The following SLC35D4 variants were observed in gnomAD, a reference collection of about 807,000 sequenced individuals.
SLC35D4 encodes UDP-N-acetylglucosamine transporter SLC35D4.
At chr18:23,419,945 C>CATATACAT in the SLC35D4 span, among the ~76,000 whole-genome samples, 6 of 152,082 alleles carry the variant, frequency 3.9e-5, no homozygotes, top group Non-Finnish European at 8.8e-5. Flanking sequence ...CGTATGTATG[C>CATATACAT]ATATACATAT....
chr18:23,402,808 A>T, the SLC35D4 span, among the ~76,000 whole-genome samples: 69 of 74,606 alleles, frequency 9.2e-4, no homozygotes, highest in Admixed American at 1.7e-3. Context: ...TTGTCTTTTT[A>T]AAAAAATATA....
the SLC35D4 span, among the ~76,000 whole-genome samples, chr18:23,309,113 GA>G: frequency 6.6e-6 from 1 of 151,864 alleles, no homozygotes; most frequent in South Asian, 2.1e-4. Context: ...ATAATAACAA[GA>G]AAAAAAGTCT....
the SLC35D4 span, among the ~76,000 whole-genome samples, chr18:23,386,136 A>C: frequency 6.6e-6 from 1 of 151,474 alleles, no homozygotes; most frequent in Non-Finnish European, 1.5e-5. Context: ...AAAAAAAAAA[A>C]AAAAAAAAAA....
chr18:23,259,256 TA>T, the SLC35D4 span: 1 of 151,788 alleles, frequency 6.6e-6, no homozygotes. Flanking sequence ...GGTCCTGTGG[TA>T]TCTGAGAATG....
the SLC35D4 span, among the ~76,000 whole-genome samples, chr18:23,371,940 T>TTTGTTTTTTTG: frequency 8.1e-5 from 2 of 24,586 alleles, no homozygotes; most frequent in African/African-American, 2.2e-4. Context: ...TTTTTGTTTT[T>TTTGTTTTTTTG]TTTTTTTTTT....
the SLC35D4 span, among the ~76,000 whole-genome samples, chr18:23,357,829 C>T: frequency 4.6e-5 from 7 of 152,216 alleles, no homozygotes; most frequent in East Asian, 5.8e-4. Context: ...GTTGTTTCTG[C>T]GAGTGAGTGT....
At chr18:23,327,115 A>C in the SLC35D4 span, among the ~76,000 whole-genome samples, 13 of 152,316 alleles carry the variant, frequency 8.5e-5, no homozygotes, top group Admixed American at 3.3e-4. Flanking sequence ...TAAAATCAAC[A>C]CCCTAACATC....
chr18:23,291,012 C>T, the SLC35D4 span, among the ~76,000 whole-genome samples: 2 of 152,152 alleles, frequency 1.3e-5, no homozygotes, highest in Admixed American at 6.5e-5. Context: ...TCATCTCATT[C>T]GTGGTTATAT....
At chr18:23,298,932 G>A in the SLC35D4 span, among the ~76,000 whole-genome samples, 3 of 152,288 alleles carry the variant, frequency 2.0e-5, no homozygotes, top group Non-Finnish European at 4.4e-5. Flanking sequence ...AGGCCACGGC[G>A]CCTTCGCACC....
At chr18:23,415,619 G>A in the SLC35D4 span, among the ~76,000 whole-genome samples, 1 of 152,200 alleles carries the variant, frequency 6.6e-6, no homozygotes, top group Non-Finnish European at 1.5e-5. Flanking sequence ...CGTTCTTTTA[G>A]AACCACTTTT....
the SLC35D4 span, chr18:23,257,658 T>C: frequency 3.4e-6 from 1 of 297,236 alleles, no homozygotes; most frequent in South Asian, 1.0e-4. Context: ...CAGCCCAGTC[T>C]TTCTCCCCGG....
chr18:23,428,475 C>A, the SLC35D4 span, among the ~76,000 whole-genome samples: 1 of 152,082 alleles, frequency 6.6e-6, no homozygotes, highest in South Asian at 2.1e-4. Flanking sequence ...TGTTAATATT[C>A]AAGGAGAATA....
the SLC35D4 span, among the ~76,000 whole-genome samples, chr18:23,418,459 C>A: frequency 1.3e-5 from 2 of 151,086 alleles, no homozygotes; most frequent in Non-Finnish European, 2.9e-5. Flanking sequence ...GCAACCTCTG[C>A]CTCCCTGGCT....
At chr18:23,411,068 G>A in the SLC35D4 span, among the ~76,000 whole-genome samples, 1 of 151,876 alleles carries the variant, frequency 6.6e-6, no homozygotes, top group South Asian at 2.1e-4. Flanking sequence ...ATCCTGAGAT[G>A]GTCCTGGTGG....
chr18:23,386,001 C>T, the SLC35D4 span, among the ~76,000 whole-genome samples: 28 of 151,652 alleles, frequency 1.8e-4, no homozygotes, highest in African/African-American at 5.1e-4. Context: ...AGCATGGTGG[C>T]AGTTGCCTGT....
chr18:23,430,863 G>T, the SLC35D4 span, among the ~76,000 whole-genome samples: 1 of 152,200 alleles, frequency 6.6e-6, no homozygotes, highest in East Asian at 1.9e-4. Flanking sequence ...TCATACTAAA[G>T]AAATTGAGCC....
the SLC35D4 span, among the ~76,000 whole-genome samples, chr18:23,334,387 C>G: frequency 6.6e-6 from 1 of 152,144 alleles, no homozygotes; most frequent in Non-Finnish European, 1.5e-5. Context: ...CCAGGGAGAC[C>G]CTGTTCCCCA....
chr18:23,253,097 T>C, the SLC35D4 span: 2 of 1,280,402 alleles, frequency 1.6e-6, no homozygotes, highest in Admixed American at 3.4e-5. Flanking sequence ...CTGTGACCTT[T>C]CCCTGCAAAC....
chr18:23,370,194 G>GAAA, the SLC35D4 span: 12 of 1,389,114 alleles, frequency 8.6e-6, no homozygotes, highest in South Asian at 2.6e-5. Flanking sequence ...CCATCTCAAG[G>GAAA]AAAAAAAAAA....
Sources: allele counts gnomAD v4.1 joint callset (sites outside exome capture counted in the v4.1 genomes callset), GRCh38; gene constraint gnomAD v4.1.1; transcripts MANE v1.5; gene names NCBI Gene and HGNC (gene_info 2026-07-23, HGNC 2026-07-21).